MTMR10: variants seen among roughly 807,000 people sequenced by gnomAD.
The protein encoded by MTMR10 is myotubularin related protein 10, also known as myotubularin-related protein 10.
MTMR10 carries 56 observed loss-of-function variants against 88.1 expected under a neutral mutation model. The ratio of observed to expected loss-of-function variants is 0.64; its 90% CI spans 0.51 to 0.79. The LOEUF (loss-of-function observed/expected upper bound fraction) is 0.79, where lower values mean the gene tolerates loss of function less well. Among genes scored for constraint, MTMR10 ranks in the 30% least tolerant of loss-of-function variants. MTMR10 has a pLI of 0.00. For synonymous variants in MTMR10, 380 were observed against 340.9 expected (o/e 1.11, Z -1.26); for missense variants, 883 against 924.7 (o/e 0.95, Z 0.58).
chr15:30,939,563 AC>A lies in MTMR10; in HGVS notation c.*1906del. The A allele has an allele frequency of 1.0e-6, 1 of 963,334 alleles. No individual in the cohort carries two copies. The highest frequency in any genetic ancestry group is 1.2e-6 in the Non-Finnish European group (1 of 809,920). The allele number at this position is 963,334 out of a possible 1,614,324, so 59.7% of individuals were successfully genotyped here. ...AAAGTATTTTACATTTGATTATCATACAAAAATATGCATTTTTCTATTTTTA... is the reference window on the plus strand; with the variant it reads ...AAAGTATTTTACATTTGATTATCATAAAAAATATGCATTTTTCTATTTTTA... On this transcript the variant is annotated 3_prime_UTR_variant, in exon 16 of 16. Coordinates refer to ENST00000435680, the MANE Select transcript of MTMR10 (RefSeq NM_017762.3).
chr15:30,928,539 T>TGTGTGTGTGTGA, the MTMR10 span: 2 of 1,611,326 alleles, frequency 1.2e-6, no homozygotes, highest in Non-Finnish European at 1.7e-6. Context: ...TGTGTGTGTG[T>TGTGTGTGTGTGA]GACCTTGTCT....
intron 15 of MTMR10, 114 bp downstream of exon 15, chr15:30,942,776 C>T (rs1343276133): frequency 3.7e-6 from 4 of 1,083,600 alleles, no homozygotes; most frequent in African/African-American, 1.6e-5. Flanking sequence ...CCTCAGAAAC[C>T]CGCATTAGCA....
At chr15:30,930,808 C>T in the MTMR10 span, 1 of 1,056,376 alleles carries the variant, frequency 9.5e-7, no homozygotes, top group Non-Finnish European at 1.4e-6. Flanking sequence ...GCCTGGGTTC[C>T]TGTGGGCCTG....
chr15:30,924,975 A>C, the MTMR10 span: 15 of 750,168 alleles, frequency 2.0e-5, no homozygotes, highest in South Asian at 3.1e-4. Context: ...ATAAGATCTA[A>C]GGAAACAGCC....
At chr15:30,970,297 G>C (rs1432531447) in intron 5 of MTMR10, among the ~76,000 whole-genome samples, 1 of 152,008 alleles carries the variant, frequency 6.6e-6, no homozygotes, top group Non-Finnish European at 1.5e-5. Flanking sequence ...ACAAGATAAA[G>C]AGAAAAAATA....
At chr15:30,955,491 C>G (rs180796698) in intron 9 of MTMR10, among the ~76,000 whole-genome samples, 1 of 152,268 alleles carries the variant, frequency 6.6e-6, no homozygotes, top group Non-Finnish European at 1.5e-5. Context: ...AGGCTGGTCT[C>G]AAACTCCTGA....
At chr15:30,967,536 G>T (rs1340556460) in intron 6 of MTMR10, among the ~76,000 whole-genome samples, 2 of 152,084 alleles carry the variant, frequency 1.3e-5, no homozygotes, top group African/African-American at 4.8e-5. Flanking sequence ...ATCACACCTT[G>T]CCAGAAAAGA....
the MTMR10 span, among the ~76,000 whole-genome samples, chr15:30,932,600 A>G: frequency 2.6e-5 from 4 of 152,086 alleles, no homozygotes; most frequent in African/African-American, 9.7e-5. Flanking sequence ...TAAACAACAT[A>G]AGGCTGTTCA....
At chr15:30,923,257 T>G in the MTMR10 span, among the ~76,000 whole-genome samples, 1 of 152,102 alleles carries the variant, frequency 6.6e-6, no homozygotes. Flanking sequence ...GAGGAGGGTG[T>G]GGGGCTTCCT....
rs1485548324 is a variant in MTMR10 at position 30,947,194 on chromosome 15, G to A, written c.1484C>T (p.Thr495Ile). The A allele has an allele frequency of 2.5e-6, 4 of 1,613,978 alleles. No homozygotes were observed. Among genetic ancestry groups the A allele is most frequent in the East Asian group, 2.2e-5 (1 of 44,890 alleles). ...ETYLAVLYDSTRISLFGTFLF... is the reference protein window; with the variant it reads ...ETYLAVLYDSIRISLFGTFLF... ...GAAGGTGCCAAACAGTGAGATCCGG[G>A]TGCTGTCATACAACACTGCCAGGTA... The change falls in exon 14 of 16, where the codon ACC becomes ATC. Residue 495 changes from threonine (T) to isoleucine (I), a missense_variant. Around this residue, in one of 3 missense-constraint regions of MTMR10, gnomAD observed 126 missense variants for 178.2 expected, o/e 0.71. Coordinates refer to ENST00000435680, the MANE Select transcript of MTMR10 (RefSeq NM_017762.3).
At chr15:30,925,920 AC>A in the MTMR10 span, 2 of 1,614,210 alleles carry the variant, frequency 1.2e-6, no homozygotes, top group Non-Finnish European at 1.7e-6. Flanking sequence ...CCCATTACAG[AC>A]GCAGCGGTTT....
In MTMR10 at chr15:30,974,523, C is replaced by T; in HGVS notation, c.332-67G>A. On this transcript the variant is annotated intron_variant, in intron 4 of 15. Coordinates refer to ENST00000435680, the MANE Select transcript of MTMR10 (RefSeq NM_017762.3). ...GTTATTTGTTACTCACCCTTTAATA[C>T]AAATTCTTAGTGAAAATAATTGGAA... 3 of 1,314,270 alleles carry T rather than the reference C, an allele frequency of 2.3e-6. 1 individual carries two copies. The highest frequency in any genetic ancestry group is 3.0e-6 in the Non-Finnish European group (3 of 1,000,836). 81.4% of individuals were successfully genotyped at this position (1,314,270 alleles called of 1,614,324 possible).
At chr15:30,920,598 A>G in the MTMR10 span, 1 of 1,612,312 alleles carries the variant, frequency 6.2e-7, no homozygotes, top group Admixed American at 1.7e-5. Flanking sequence ...GGGTGGATTT[A>G]TACAAGGATT....
At chr15:30,988,759 C>T (rs984389580) in intron 2 of MTMR10, among the ~76,000 whole-genome samples, 1 of 152,196 alleles carries the variant, frequency 6.6e-6, no homozygotes, top group Non-Finnish European at 1.5e-5. Context: ...GAGGCCAAGG[C>T]GGGCGGATCA....
intron 3 of MTMR10, 60 bp downstream of exon 3, chr15:30,976,759 A>C: frequency 1.3e-6 from 2 of 1,535,592 alleles, no homozygotes; most frequent in Admixed American, 4.0e-5. Context: ...TTATATAATA[A>C]TATGTACCAC....
chr15:30,954,214 C>T (rs2063289616), intron 10 of MTMR10, among the ~76,000 whole-genome samples: 1 of 152,210 alleles, frequency 6.6e-6, no homozygotes, highest in Non-Finnish European at 1.5e-5. Flanking sequence ...ACTCATTGCT[C>T]AAGATCTGCT....
intron 12 of MTMR10, chr15:30,949,358 A>C (rs1197973399): frequency 6.6e-6 from 1 of 152,240 alleles, no homozygotes; most frequent in Non-Finnish European, 1.5e-5. Flanking sequence ...ATCTAGCCAG[A>C]GCAATTAGGC....
chr15:30,918,977 G>A, the MTMR10 span, among the ~76,000 whole-genome samples: 2 of 152,118 alleles, frequency 1.3e-5, no homozygotes, highest in African/African-American at 4.8e-5. Flanking sequence ...ACTGTTGACT[G>A]GAAGCCCTAC....
At chr15:30,924,009 C>A in the MTMR10 span, among the ~76,000 whole-genome samples, 2 of 152,192 alleles carry the variant, frequency 1.3e-5, no homozygotes, top group African/African-American at 4.8e-5. Context: ...TTCCCTTCCC[C>A]AAGCCCTGGC....
Sources: gnomAD v4.1 joint callset for allele counts (sites outside exome capture counted in the v4.1 genomes callset) on GRCh38, gnomAD v4.1.1 for gene constraint, gnomAD v4.1.1 regional missense constraint, MANE v1.5 for transcripts, NCBI Gene and HGNC (gene_info 2026-07-23, HGNC 2026-07-21) for gene names.